SPIRE1: variants seen among roughly 807,000 people sequenced by gnomAD.
SPIRE1 encodes spire type actin nucleation factor 1, also known as protein spire homolog 1.
SPIRE1 carries 40 observed loss-of-function variants against 94.1 expected under a neutral mutation model. That is an observed-to-expected ratio of 0.43 (90% CI 0.33 to 0.55). SPIRE1 has a LOEUF of 0.55. Ranked by LOEUF, SPIRE1 falls within the 20% of genes least tolerant of loss-of-function variation. The probability of loss-of-function intolerance (pLI) is 0.06; values close to 1 mark genes in which losing one functional copy is unlikely to be tolerated. For missense variants in SPIRE1, 838 were observed against 975.2 expected (o/e 0.86, Z 1.87); for synonymous variants, 376 against 371.7 (o/e 1.01, Z -0.13).
intron 2 of SPIRE1, among the ~76,000 whole-genome samples, chr18:12,602,617 A>G (rs954032784): frequency 1.3e-5 from 2 of 152,196 alleles, no homozygotes; most frequent in African/African-American, 2.4e-5. Flanking sequence ...GCAGTATAAT[A>G]AAAGGGCTGA....
At chr18:12,580,867 A>G (rs2036239814) in intron 2 of SPIRE1, among the ~76,000 whole-genome samples, 1 of 152,116 alleles carries the variant, frequency 6.6e-6, no homozygotes, top group South Asian at 2.1e-4. Flanking sequence ...AGTTGGAGAG[A>G]AAGCAGTAGA....
intron 2 of SPIRE1, among the ~76,000 whole-genome samples, chr18:12,553,892 A>C (rs1353727456): frequency 1.3e-5 from 2 of 152,220 alleles, no homozygotes; most frequent in Non-Finnish European, 2.9e-5. Flanking sequence ...AAAATCAACA[A>C]AACAACAAGT....
At chr18:12,544,211 T>C (rs2035089564) in intron 3 of SPIRE1, among the ~76,000 whole-genome samples, 1 of 151,484 alleles carries the variant, frequency 6.6e-6, no homozygotes. Flanking sequence ...TTTTTTTTTC[T>C]TTTTTTGAGA....
At chr18:12,524,153 G>A (rs1242455910) in intron 4 of SPIRE1, among the ~76,000 whole-genome samples, 2 of 151,956 alleles carry the variant, frequency 1.3e-5, no homozygotes, top group African/African-American at 2.4e-5. Flanking sequence ...TATATGTATT[G>A]GATTATATTG....
chr18:12,534,414 T>G (rs1338950775), intron 4 of SPIRE1, among the ~76,000 whole-genome samples: 1 of 152,216 alleles, frequency 6.6e-6, no homozygotes, highest in African/African-American at 2.4e-5. Flanking sequence ...TCGACTTGAC[T>G]GAATTAAAGA....
chr18:12,568,417 T>C (rs552881602), intron 2 of SPIRE1, among the ~76,000 whole-genome samples: 1 of 152,334 alleles, frequency 6.6e-6, no homozygotes, highest in South Asian at 2.1e-4. Context: ...ATTCCTATTT[T>C]CTGCATGGCC....
chr18:12,636,843 T>C (rs2037942233), intron 1 of SPIRE1, among the ~76,000 whole-genome samples: 1 of 152,252 alleles, frequency 6.6e-6, no homozygotes, highest in Admixed American at 6.5e-5. Flanking sequence ...TGATTGTTTG[T>C]TCAGACCATT....
chr18:12,626,886 A>ATATATATTT (rs55915333), intron 2 of SPIRE1, among the ~76,000 whole-genome samples: 63 of 111,894 alleles, frequency 5.6e-4, no homozygotes, highest in Admixed American at 8.1e-4. Flanking sequence ...ATATATATAT[A>ATATATATTT]TTTTTTTTTT....
At chr18:12,658,863 A>G, upstream of SPIRE1, 1 of 302,002 alleles carries the variant, frequency 3.3e-6, no homozygotes, top group South Asian at 2.6e-5. Context: ...AAACATGTAC[A>G]TAATTTGCAG....
chr18:12,570,055 A>C (rs2035924561), intron 2 of SPIRE1, among the ~76,000 whole-genome samples: 1 of 152,138 alleles, frequency 6.6e-6, no homozygotes, highest in Non-Finnish European at 1.5e-5. Context: ...ACACACTAAC[A>C]CCAATGCTTC....
intron 2 of SPIRE1, among the ~76,000 whole-genome samples, chr18:12,552,245 G>C (rs2035372502): frequency 6.6e-6 from 1 of 152,174 alleles, no homozygotes; most frequent in South Asian, 2.1e-4. Context: ...GGCAAGTCCT[G>C]GTGCTGAGCT....
chr18:12,545,289 G>T (rs1290495870), intron 3 of SPIRE1, among the ~76,000 whole-genome samples: 1 of 151,968 alleles, frequency 6.6e-6, no homozygotes, highest in Non-Finnish European at 1.5e-5. Context: ...AAAATGAGAA[G>T]CACTACACAT....
intron 2 of SPIRE1, among the ~76,000 whole-genome samples, chr18:12,634,458 A>C (rs2037867835): frequency 6.6e-6 from 1 of 152,012 alleles, no homozygotes; most frequent in African/African-American, 2.4e-5. Flanking sequence ...AAAAAACTGA[A>C]ATTACTAAGA....
intron 11 of SPIRE1, among the ~76,000 whole-genome samples, 184 bp from the exon 12 acceptor site, chr18:12,463,677 A>G (rs1421990024): frequency 6.6e-6 from 1 of 152,228 alleles, no homozygotes; most frequent in Non-Finnish European, 1.5e-5. Flanking sequence ...ATCTTTGCAA[A>G]GTAAACTTGC....
intron 2 of SPIRE1, among the ~76,000 whole-genome samples, chr18:12,599,769 C>T (rs1446056106): frequency 6.6e-6 from 1 of 152,136 alleles, no homozygotes; most frequent in Non-Finnish European, 1.5e-5. Flanking sequence ...TGTCCTAATA[C>T]TGGTGATGTC....
intron 5 of SPIRE1, among the ~76,000 whole-genome samples, chr18:12,511,414 C>T (rs528025373): frequency 2.2e-4 from 34 of 152,240 alleles, no homozygotes; most frequent in South Asian, 4.1e-4. Flanking sequence ...ATGCTCCTTA[C>T]GAGAATCTAA....
intron 4 of SPIRE1, among the ~76,000 whole-genome samples, chr18:12,533,932 TACACACACAC>T (rs10658152): frequency 1.1e-4 from 16 of 144,522 alleles, no homozygotes; most frequent in South Asian, 4.6e-4. Context: ...GCTAATCCAT[TACACACACAC>T]ACACACACAC....
intron 1 of SPIRE1, among the ~76,000 whole-genome samples, chr18:12,656,208 G>A (rs1164795606): frequency 1.3e-5 from 2 of 150,496 alleles, no homozygotes; most frequent in African/African-American, 4.9e-5. Flanking sequence ...AGACATTGCT[G>A]TATTTTATAA....
intron 12 of SPIRE1, among the ~76,000 whole-genome samples, chr18:12,457,108 G>A (rs1184545454): frequency 6.6e-6 from 1 of 152,200 alleles, no homozygotes; most frequent in Non-Finnish European, 1.5e-5. Context: ...TGGGATCACA[G>A]GCATGAGCAA....
Sources: gnomAD v4.1 joint callset for allele counts (sites outside exome capture counted in the v4.1 genomes callset) on GRCh38, gnomAD v4.1.1 for gene constraint, MANE v1.5 for transcripts, NCBI Gene and HGNC (gene_info 2026-07-23, HGNC 2026-07-21) for gene names.